The following ADAMTS17 variants were observed in gnomAD, a reference collection of about 807,000 sequenced individuals.
The protein encoded by ADAMTS17 is A disintegrin and metalloproteinase with thrombospondin motifs 17.
ADAMTS17 carries 113 observed loss-of-function variants against 141.5 expected under a neutral mutation model. The ratio of observed to expected loss-of-function variants is 0.80; its 90% CI spans 0.69 to 0.93. The LOEUF is 0.93. ADAMTS17 is among the 40% of genes least tolerant of loss of function. The pLI, the probability that ADAMTS17 is intolerant of heterozygous loss-of-function variation, is 0.00. For missense variants in ADAMTS17, 1,659 were observed against 1,517.9 expected (o/e 1.09, Z -1.54); for synonymous variants, 768 against 630.6 (o/e 1.22, Z -3.27).
chr15:100,180,046 C>T (rs932575099), intron 8 of ADAMTS17, among the ~76,000 whole-genome samples: 13 of 152,136 alleles, frequency 8.5e-5, no homozygotes, highest in African/African-American at 3.1e-4. Context: ...TCCCATTTGT[C>T]CAATTTTCCT....
chr15:100,044,337 T>C (rs2031509430), intron 18 of ADAMTS17, among the ~76,000 whole-genome samples: 2 of 152,210 alleles, frequency 1.3e-5, no homozygotes. Flanking sequence ...GGTAACTGAG[T>C]CTTGCTCATT....
chr15:100,169,196 T>C (rs908972323), intron 8 of ADAMTS17, among the ~76,000 whole-genome samples: 29 of 152,202 alleles, frequency 1.9e-4, no homozygotes, highest in Non-Finnish European at 3.8e-4. Context: ...CTTCCATTCA[T>C]GCTCTTATCC....
chr15:100,141,298 T>C (rs973724520), intron 10 of ADAMTS17, among the ~76,000 whole-genome samples: 1 of 152,156 alleles, frequency 6.6e-6, no homozygotes, highest in African/African-American at 2.4e-5. Context: ...CTTCGCCACT[T>C]TTCTTCAACT....
chr15:100,191,591 A>G (rs1197179022), intron 8 of ADAMTS17, among the ~76,000 whole-genome samples: 3 of 152,246 alleles, frequency 2.0e-5, no homozygotes, highest in African/African-American at 7.2e-5. Context: ...ACTCCAAGGA[A>G]GAGCAATGCA....
intron 7 of ADAMTS17, among the ~76,000 whole-genome samples, chr15:100,204,504 G>C (rs1354497211): frequency 6.6e-6 from 1 of 152,224 alleles, no homozygotes; most frequent in East Asian, 1.9e-4. Flanking sequence ...GTGGATGTGG[G>C]TGTGATCTGA....
intron 20 of ADAMTS17, among the ~76,000 whole-genome samples, chr15:99,988,794 G>A (rs1567647175): frequency 6.6e-6 from 1 of 152,188 alleles, no homozygotes; most frequent in Non-Finnish European, 1.5e-5. Flanking sequence ...CAGTGTCCTT[G>A]GCCAGGGAGG....
intron 8 of ADAMTS17, among the ~76,000 whole-genome samples, chr15:100,174,273 T>C (rs1171463078): frequency 6.6e-6 from 1 of 152,132 alleles, no homozygotes. Context: ...AGGAGGGCAA[T>C]AGTGTTGGCA....
chr15:100,287,024 C>A (rs891938967), intron 3 of ADAMTS17, among the ~76,000 whole-genome samples: 1 of 152,160 alleles, frequency 6.6e-6, no homozygotes, highest in African/African-American at 2.4e-5. Flanking sequence ...CCCGTCTCTA[C>A]TAAAAATACA....
intron 3 of ADAMTS17, among the ~76,000 whole-genome samples, chr15:100,303,333 G>A (rs953987184): frequency 6.6e-6 from 1 of 150,966 alleles, no homozygotes; most frequent in Non-Finnish European, 1.5e-5. Flanking sequence ...TGAGTTACAA[G>A]AATTCTTTAT....
chr15:100,298,508 C>T (rs1394516953), intron 3 of ADAMTS17, among the ~76,000 whole-genome samples: 1 of 152,158 alleles, frequency 6.6e-6, no homozygotes, highest in Non-Finnish European at 1.5e-5. Context: ...ACTCATCAGT[C>T]CCATAAACAC....
At chr15:100,162,319 T>G (rs1294744976) in intron 8 of ADAMTS17, among the ~76,000 whole-genome samples, 1 of 150,424 alleles carries the variant, frequency 6.6e-6, no homozygotes, top group African/African-American at 2.4e-5. Context: ...TACGTACATG[T>G]AAGTGTAGGT....
intron 3 of ADAMTS17, among the ~76,000 whole-genome samples, chr15:100,320,100 C>G (rs1469700556): frequency 1.3e-5 from 2 of 152,048 alleles, no homozygotes; most frequent in Admixed American, 1.3e-4. Flanking sequence ...AAATGGAGAT[C>G]AGACGTAGTT....
intron 10 of ADAMTS17, among the ~76,000 whole-genome samples, chr15:100,150,378 C>T (rs529457297): frequency 6.6e-6 from 1 of 152,300 alleles, no homozygotes; most frequent in East Asian, 1.9e-4. Context: ...ACAGATACCC[C>T]TGGGCTCGCT....
intron 4 of ADAMTS17, among the ~76,000 whole-genome samples, chr15:100,278,305 G>A (rs1285759272): frequency 4.8e-5 from 7 of 147,212 alleles, no homozygotes; most frequent in African/African-American, 1.5e-4. Flanking sequence ...GGTGAATTTC[G>A]TATTACATAT....
chr15:100,341,704 G>A (rs1398119443), intron 1 of ADAMTS17, 117 bp downstream of exon 1: 2 of 1,318,698 alleles, frequency 1.5e-6, no homozygotes, highest in Non-Finnish European at 2.0e-6. Flanking sequence ...CGCCTCCTCC[G>A]CTCGGGCGCC....
At chr15:100,246,713 C>CTT (rs565514396) in intron 7 of ADAMTS17, among the ~76,000 whole-genome samples, 1 of 151,102 alleles carries the variant, frequency 6.6e-6, no homozygotes, top group African/African-American at 2.4e-5. Context: ...GGAGACTACA[C>CTT]TTTTTTTTTA....
intron 15 of ADAMTS17, among the ~76,000 whole-genome samples, chr15:100,056,897 C>G (rs115057231): frequency 0.01 from 1,596 of 152,178 alleles, 16 homozygotes; most frequent in African/African-American, 0.029. Context: ...AACACAATTT[C>G]ACAAGCTTTA....
chr15:100,296,909 T>C (rs1051761232), intron 3 of ADAMTS17, among the ~76,000 whole-genome samples: 4 of 152,258 alleles, frequency 2.6e-5, no homozygotes, highest in Admixed American at 2.6e-4. Context: ...TGCCACAATG[T>C]AGGTGCCCAT....
chr15:100,159,775 G>A (rs77449070), intron 8 of ADAMTS17, among the ~76,000 whole-genome samples: 1,739 of 152,324 alleles, frequency 0.011, 21 homozygotes, highest in South Asian at 0.021. Context: ...CTGAGTCACA[G>A]ACTAGAGTCT....
Sources: gnomAD v4.1 joint callset for allele counts (sites outside exome capture counted in the v4.1 genomes callset) on GRCh38, gnomAD v4.1.1 for gene constraint, MANE v1.5 for transcripts, NCBI Gene and HGNC (gene_info 2026-07-23, HGNC 2026-07-21) for gene names.